TMEM272: variants seen among roughly 807,000 people sequenced by gnomAD.
The protein encoded by TMEM272 is long intergenic non-protein coding RNA 282.
In TMEM272, 8 loss-of-function variants were observed where a neutral mutation model predicts 3.7. That is an observed-to-expected ratio of 2.17 (90% confidence interval 1.27 to 3.91). The LOEUF is 3.91. Among genes scored for constraint, TMEM272 ranks in the 30% most tolerant of loss-of-function variants. The probability of loss-of-function intolerance (pLI) is 0.00; values close to 1 mark genes in which losing one functional copy is unlikely to be tolerated. For missense variants in TMEM272, 166 were observed against 91.5 expected (o/e 1.81, Z -3.32); for synonymous variants, 63 against 39.8 (o/e 1.58, Z -2.20).
chr13:51,924,380 C>A, the TMEM272 span, among the ~76,000 whole-genome samples: 1 of 152,140 alleles, frequency 6.6e-6, no homozygotes, highest in Non-Finnish European at 1.5e-5. Flanking sequence ...CACAGCCAGA[C>A]CCCTTCTCTA....
At chr13:51,905,143 C>A in the TMEM272 span, among the ~76,000 whole-genome samples, 1 of 152,214 alleles carries the variant, frequency 6.6e-6, no homozygotes, top group Non-Finnish European at 1.5e-5. Context: ...CAACACGAAG[C>A]AGTCAACAGA....
At chr13:51,877,432 A>G in the TMEM272 span, among the ~76,000 whole-genome samples, 2 of 152,200 alleles carry the variant, frequency 1.3e-5, no homozygotes, top group Non-Finnish European at 2.9e-5. Context: ...GCTTGAGAGA[A>G]TGGGCCATAA....
chr13:51,860,638 C>CAAA, the TMEM272 span, among the ~76,000 whole-genome samples: 139 of 105,698 alleles, frequency 1.3e-3, 2 homozygotes, highest in East Asian at 0.021. Flanking sequence ...AAACATGTCT[C>CAAA]AAAAAAAAAA....
At chr13:51,874,461 T>C in the TMEM272 span, among the ~76,000 whole-genome samples, 2 of 152,238 alleles carry the variant, frequency 1.3e-5, no homozygotes, top group African/African-American at 4.8e-5. Flanking sequence ...TGTTTAATGA[T>C]ACAGATGAAT....
chr13:51,916,307 G>A, the TMEM272 span, among the ~76,000 whole-genome samples: 402 of 152,174 alleles, frequency 2.6e-3, 2 homozygotes, highest in African/African-American at 9.0e-3. Flanking sequence ...CCCAGTGAAC[G>A]GCCCAGTGAA....
intron 4 of TMEM272, among the ~76,000 whole-genome samples, chr13:51,820,860 T>TTG: frequency 6.6e-6 from 1 of 152,052 alleles, no homozygotes; most frequent in East Asian, 1.9e-4. Context: ...ATGGGGATGA[T>TTG]TGTGTGTACT....
chr13:51,865,793 G>A, the TMEM272 span: 5 of 1,614,220 alleles, frequency 3.1e-6, no homozygotes, highest in Non-Finnish European at 1.7e-6. Context: ...CTGGAAAGAG[G>A]ACAATGCCTT....
rs1428273626 is a variant in TMEM272, at chr13:51,813,485, G to A, written c.*3266C>T. On this transcript the variant is annotated 3_prime_UTR_variant, in exon 5 of 5. Coordinates refer to ENST00000629372, the MANE Select transcript of TMEM272 (RefSeq NM_001351003.2). ...CTAAAAGAGAAGGAAATAACACGAA[G>A]TACTGGAAGTGACATTATATTGTCC... The A allele has an allele frequency of 7.8e-6, 3 of 382,932 alleles. No homozygotes were observed. Among genetic ancestry groups the A allele is most frequent in the Non-Finnish European group, 1.4e-5 (3 of 216,966 alleles). 23.7% of individuals were successfully genotyped at this position (382,932 alleles called of 1,614,324 possible).
the TMEM272 span, among the ~76,000 whole-genome samples, chr13:51,902,668 T>A: frequency 6.6e-6 from 1 of 152,216 alleles, no homozygotes; most frequent in Non-Finnish European, 1.5e-5. Flanking sequence ...CAGTCAAGCC[T>A]GCAGGTCACT....
At chr13:51,864,294 CCTCT>C in the TMEM272 span, among the ~76,000 whole-genome samples, 2 of 152,144 alleles carry the variant, frequency 1.3e-5, no homozygotes, top group African/African-American at 4.8e-5. Flanking sequence ...ACTGCAGAAG[CCTCT>C]CTCAAGTACT....
chr13:51,900,733 G>A, the TMEM272 span, among the ~76,000 whole-genome samples: 3 of 152,034 alleles, frequency 2.0e-5, no homozygotes, highest in African/African-American at 7.3e-5. Context: ...ACGAATGAGT[G>A]GACAAACAAA....
At chr13:51,917,874 G>C in the TMEM272 span, among the ~76,000 whole-genome samples, 1 of 152,194 alleles carries the variant, frequency 6.6e-6, no homozygotes, top group African/African-American at 2.4e-5. Flanking sequence ...TGCAAACTCA[G>C]TGTCCTCCAA....
At chr13:51,882,461 C>T in the TMEM272 span, among the ~76,000 whole-genome samples, 6 of 152,146 alleles carry the variant, frequency 3.9e-5, no homozygotes, top group South Asian at 2.1e-4. Context: ...TGTAAATTAG[C>T]GTCCTAAGAA....
At chr13:51,908,068 C>T in the TMEM272 span, 1 of 363,382 alleles carries the variant, frequency 2.8e-6, no homozygotes, top group Admixed American at 4.3e-5. Flanking sequence ...CTATTTAAAT[C>T]ATCCTTATTT....
chr13:51,863,663 G>A, the TMEM272 span, among the ~76,000 whole-genome samples: 12 of 119,016 alleles, frequency 1.0e-4, no homozygotes, highest in South Asian at 2.7e-4. Context: ...TCATATGCAC[G>A]CGCACACAGA....
chr13:51,859,505 A>AACACACACACACACAC, the TMEM272 span, among the ~76,000 whole-genome samples: 28 of 129,944 alleles, frequency 2.2e-4, 1 homozygote, highest in South Asian at 2.7e-4. Context: ...CTCCCAACCA[A>AACACACACACACACAC]ACACACACAC....
At chr13:51,863,838 G>A in the TMEM272 span, among the ~76,000 whole-genome samples, 2 of 152,150 alleles carry the variant, frequency 1.3e-5, no homozygotes, top group Admixed American at 1.3e-4. Flanking sequence ...CACTGAGTGA[G>A]GGCCGGACCC....
intron 4 of TMEM272, among the ~76,000 whole-genome samples, chr13:51,818,016 G>A (rs568384301): frequency 2.2e-4 from 34 of 152,278 alleles, no homozygotes; most frequent in South Asian, 6.2e-4. Flanking sequence ...ACAGCTCCCC[G>A]TCTTCTCTAC....
chr13:51,843,672 C>T (rs1182235276), intron 1 of TMEM272, among the ~76,000 whole-genome samples: 1 of 152,192 alleles, frequency 6.6e-6, no homozygotes, highest in Non-Finnish European at 1.5e-5. Context: ...ACAGGCCGGG[C>T]AGTGCCTTCT....
Sources: allele counts gnomAD v4.1 joint callset (sites outside exome capture counted in the v4.1 genomes callset), GRCh38; gene constraint gnomAD v4.1.1; transcripts MANE v1.5; gene names NCBI Gene and HGNC (gene_info 2026-07-23, HGNC 2026-07-21).